Variants in PARD3B observed in about 807,000 individuals in gnomAD.
PARD3B encodes partitioning defective 3 homolog B.
In PARD3B, 103 loss-of-function variants were observed where a neutral mutation model predicts 130.2. The observed-to-expected ratio is 0.79, with a 90% CI of 0.67 to 0.93. PARD3B has a LOEUF of 0.93. Ranked by LOEUF, PARD3B falls within the 40% of genes least tolerant of loss-of-function variation. PARD3B has a pLI of 0.00. For synonymous variants in PARD3B, 583 were observed against 553.2 expected (o/e 1.05, Z -0.76); for missense variants, 1,609 against 1,499.2 (o/e 1.07, Z -1.21).
intron 3 of PARD3B, among the ~76,000 whole-genome samples, chr2:204,978,443 A>G (rs1382937092): frequency 6.6e-6 from 1 of 152,220 alleles, no homozygotes; most frequent in Non-Finnish European, 1.5e-5. Context: ...GTATTCAGAC[A>G]TAACATGGGT....
chr2:204,999,501 G>A (rs1575523847), intron 3 of PARD3B, among the ~76,000 whole-genome samples: 1 of 152,126 alleles, frequency 6.6e-6, no homozygotes, highest in Non-Finnish European at 1.5e-5. Flanking sequence ...CTTTGAACAT[G>A]TTCTTTTTCA....
chr2:205,401,106 G>T lies in PARD3B; in HGVS notation c.2724G>T (p.Met908Ile). 6.3e-7 allele frequency: 1 copy of T among 1,596,076 alleles called. No individual in the cohort carries two copies. The highest frequency in any genetic ancestry group is 8.5e-7 in the Non-Finnish European group (1 of 1,170,924). ...TGAGAGAAGAAGAGCTGGAGAAAAT[G>T]AAAGAAGAGCGTGAAAGGTGAGCAG... ...GGLREEELEKMKEERERIGAK... is the reference protein window; with the variant it reads ...GGLREEELEKIKEERERIGAK... Residue 908 changes from methionine to isoleucine, a missense_variant, in exon 19 of 23, where the codon ATG becomes ATT. By Grantham distance (10) the Met-to-Ile change is conservative (BLOSUM62 1). Coordinates refer to ENST00000406610, the MANE Select transcript of PARD3B (RefSeq NM_001302769.2).
chr2:205,045,553 G>A (rs1698715853), intron 3 of PARD3B, among the ~76,000 whole-genome samples: 1 of 151,848 alleles, frequency 6.6e-6, no homozygotes, highest in Admixed American at 6.6e-5. Flanking sequence ...TGGCATGAAT[G>A]CATATTATTA....
chr2:205,474,627 T>C (rs1351395638), intron 20 of PARD3B, among the ~76,000 whole-genome samples: 1 of 152,140 alleles, frequency 6.6e-6, no homozygotes, highest in African/African-American at 2.4e-5. Context: ...AGCACCTTTA[T>C]AAAATATTTT....
intron 2 of PARD3B, among the ~76,000 whole-genome samples, chr2:204,740,369 G>GT (rs1422424773): frequency 1.3e-5 from 2 of 152,066 alleles, no homozygotes; most frequent in Non-Finnish European, 2.9e-5. Context: ...TGATTGCTCT[G>GT]TATGAAATCA....
chr2:205,467,579 C>A (rs981082745), intron 20 of PARD3B, among the ~76,000 whole-genome samples: 4 of 151,826 alleles, frequency 2.6e-5, no homozygotes, highest in Non-Finnish European at 2.9e-5. Context: ...AATAATTATT[C>A]TAGAGCTATT....
chr2:204,687,533 C>T (rs987028170), intron 2 of PARD3B, among the ~76,000 whole-genome samples: 1 of 152,080 alleles, frequency 6.6e-6, no homozygotes, highest in Non-Finnish European at 1.5e-5. Flanking sequence ...CCCAAAAATA[C>T]TTACTGAATT....
intron 1 of PARD3B, among the ~76,000 whole-genome samples, chr2:204,643,113 C>CAAAAAAAAAAAAAAAA (rs1252171157): frequency 2.3e-4 from 1 of 4,306 alleles, no homozygotes; most frequent in African/African-American, 4.1e-4. Flanking sequence ...GACTCTGTCT[C>CAAAAAAAAAAAAAAAA]ACAAAAAAAA....
chr2:205,278,796 G>A (rs377372579), intron 16 of PARD3B, among the ~76,000 whole-genome samples: 1 of 151,972 alleles, frequency 6.6e-6, no homozygotes. Flanking sequence ...TAGGCTGAGC[G>A]CTGTGGCTCA....
Position 205,222,098 on chromosome 2 carries a change from C to G in PARD3B, c.2141-23680C>G, listed in dbSNP as rs182642488. Among the ~76,000 whole-genome samples, 646 of 149,690 alleles carry G rather than the reference C, an allele frequency of 4.3e-3. 2 individuals carry two copies. The highest frequency in any genetic ancestry group is 0.013 in the African/African-American group (535 of 40,640). On this transcript the variant is annotated intron_variant, in intron 15 of 22. Coordinates refer to ENST00000406610, the MANE Select transcript of PARD3B (RefSeq NM_001302769.2). The stretch of plus-strand genomic sequence containing the variant: ...ACAAACCTCTACATGCGCCTCTGAA[C>G]TTAAAAGTTGAAAAAAAAATCCCAG...
intron 2 of PARD3B, among the ~76,000 whole-genome samples, chr2:204,720,163 T>G (rs2038929335): frequency 6.6e-6 from 1 of 152,208 alleles, no homozygotes; most frequent in South Asian, 2.1e-4. Context: ...AATAGACATT[T>G]TACTCTTACA....
chr2:204,564,110 T>C (rs560231664), intron 1 of PARD3B, among the ~76,000 whole-genome samples: 1 of 152,338 alleles, frequency 6.6e-6, no homozygotes, highest in East Asian at 1.9e-4. Context: ...TGAAGCCCAG[T>C]GGCTGGTATG....
At position 205,458,552 on chromosome 2, in the gene PARD3B, A is replaced by G. The variant is rs757413737; in HGVS notation, c.3044+17880A>G. 2.0e-5 allele frequency among the ~76,000 whole-genome samples: 3 copies of G among 152,004 alleles called. No homozygotes were observed. The highest frequency in any genetic ancestry group is 4.8e-5 in the African/African-American group (2 of 41,388). On this transcript the variant is annotated intron_variant, in intron 20 of 22. Coordinates refer to ENST00000406610, the MANE Select transcript of PARD3B (RefSeq NM_001302769.2). This position sits in a 1 kb window ranked among gnomAD's most constrained non-coding sequence, Gnocchi z 4.8. ...TTGTAATTTTCAGTTTTAGGTGTCT[A>G]TTTGTTTGTTTTACCCTGAGATGCT...
intron 2 of PARD3B, among the ~76,000 whole-genome samples, chr2:204,892,392 C>T (rs1267985650): frequency 6.6e-6 from 1 of 152,088 alleles, no homozygotes; most frequent in Non-Finnish European, 1.5e-5. Context: ...TAGCTTAGAC[C>T]AGAGGATTTA....
chr2:205,080,916 A>G (rs1701367417), intron 4 of PARD3B, among the ~76,000 whole-genome samples: 1 of 152,050 alleles, frequency 6.6e-6, no homozygotes, highest in Non-Finnish European at 1.5e-5. Context: ...GGCCATGTTT[A>G]TTTTATGAAG....
chr2:205,134,292 G>A (rs967793074), intron 10 of PARD3B, among the ~76,000 whole-genome samples: 9 of 151,422 alleles, frequency 5.9e-5, no homozygotes, highest in Non-Finnish European at 1.0e-4. Context: ...GGAGGCTGAG[G>A]TTGGTGGATT....
At position 205,253,104 on chromosome 2, in the gene PARD3B, G is replaced by A. The variant is rs1447168175; in HGVS notation, c.2185+7282G>A. Among the ~76,000 whole-genome samples, 1 of 152,070 alleles carries A rather than the reference G, an allele frequency of 6.6e-6. No individual in the cohort carries two copies. Among genetic ancestry groups the A allele is most frequent in the Non-Finnish European group, 1.5e-5 (1 of 68,004 alleles). On this transcript the variant is annotated intron_variant, in intron 16 of 22. Transcript: ENST00000406610. This position sits in a 1 kb window ranked among gnomAD's most constrained non-coding sequence, Gnocchi z 4.4. ...AACCAACAGTAAACATTTATTTCTT[G>A]ATCACATATCTCCAGGTATACTGGA...
intron 1 of PARD3B, among the ~76,000 whole-genome samples, chr2:204,642,925 A>T (rs1025090771): frequency 1.3e-5 from 2 of 151,362 alleles, no homozygotes; most frequent in African/African-American, 4.9e-5. Flanking sequence ...CACCCTGGCT[A>T]ACACAGTGAA....
Position 205,615,994 on chromosome 2 carries a change from G to A in PARD3B, c.*181G>A. 1.7e-6 allele frequency: 1 copy of A among 585,168 alleles called. No homozygotes were observed. Among genetic ancestry groups the A allele is most frequent in the Non-Finnish European group, 2.9e-6 (1 of 346,958 alleles). The allele number at this position is 585,168 out of a possible 1,614,324, so 36.2% of individuals were successfully genotyped here. The stretch of plus-strand genomic sequence containing the variant: ...AGAAAAAGAAGGGGAAGGGAATTGG[G>A]GAGGAAAAAAAATCAGAAGGAAGAC... On this transcript the variant is annotated 3_prime_UTR_variant, in exon 23 of 23. Coordinates refer to ENST00000406610, the MANE Select transcript of PARD3B (RefSeq NM_001302769.2).
Sources: gnomAD v4.1 joint callset for allele counts (sites outside exome capture counted in the v4.1 genomes callset) on GRCh38, gnomAD v4.1.1 for gene constraint, Gnocchi (gnomAD v3.1) non-coding constraint, MANE v1.5 for transcripts, NCBI Gene and HGNC (gene_info 2026-07-23, HGNC 2026-07-21) for gene names.